The following CADPS variants were observed in gnomAD, a reference collection of about 807,000 sequenced individuals.
CADPS encodes calcium-dependent secretion activator 1.
Under a neutral mutation model 167.3 loss-of-function variants are expected in CADPS, and 57 were observed. The ratio of observed to expected loss-of-function variants is 0.34; its 90% confidence interval spans 0.28 to 0.42. CADPS has a LOEUF of 0.42. Among genes scored for constraint, CADPS ranks in the 20% least tolerant of loss-of-function variants. The pLI, the probability that CADPS is intolerant of heterozygous loss-of-function variation, is 1.00. For missense variants in CADPS, 1,414 were observed against 1,738.1 expected, an observed-to-expected ratio of 0.81 and a Z score of 3.32; for synonymous variants, 676 against 635.3, an observed-to-expected ratio of 1.06 and a Z score of -0.96.
intron 3 of CADPS, among the ~76,000 whole-genome samples, chr3:62,703,685 G>C (rs2081837869): frequency 6.6e-6 from 1 of 152,078 alleles, no homozygotes; most frequent in Non-Finnish European, 1.5e-5. Context: ...AGGGTAATGT[G>C]GCACAGCTAC....
chr3:62,710,030 T>C (rs1580893692), intron 3 of CADPS, among the ~76,000 whole-genome samples: 1 of 152,012 alleles, frequency 6.6e-6, no homozygotes, highest in South Asian at 2.1e-4. Flanking sequence ...GCCTCCCAAA[T>C]TGCTGGGATT....
At chr3:62,795,533 G>A (rs562587623) in intron 1 of CADPS, among the ~76,000 whole-genome samples, 3 of 152,204 alleles carry the variant, frequency 2.0e-5, no homozygotes, top group Admixed American at 6.5e-5. Flanking sequence ...TGTTTACTAA[G>A]GCTTGTATTT....
At chr3:62,672,473 T>C (rs1165451297) in intron 3 of CADPS, among the ~76,000 whole-genome samples, 1 of 152,206 alleles carries the variant, frequency 6.6e-6, no homozygotes, top group Non-Finnish European at 1.5e-5. Flanking sequence ...TTGAGAGCTG[T>C]TGCCATCTGG....
intron 1 of CADPS, among the ~76,000 whole-genome samples, chr3:62,823,033 T>A (rs1157585297): frequency 1.3e-5 from 2 of 152,104 alleles, no homozygotes; most frequent in African/African-American, 4.8e-5. Flanking sequence ...ATGCTTAAGT[T>A]CTGCCACCAC....
intron 3 of CADPS, among the ~76,000 whole-genome samples, chr3:62,691,462 A>G (rs532373941): frequency 6.6e-6 from 1 of 152,056 alleles, no homozygotes; most frequent in South Asian, 2.1e-4. Context: ...TTTCTGCTCA[A>G]TTTTGCTGTA....
At chr3:62,705,388 A>G (rs1483543690) in intron 3 of CADPS, among the ~76,000 whole-genome samples, 1 of 152,148 alleles carries the variant, frequency 6.6e-6, no homozygotes, top group African/African-American at 2.4e-5. Flanking sequence ...GACAGGCATA[A>G]CAAGGGATAT....
intron 1 of CADPS, among the ~76,000 whole-genome samples, chr3:62,831,297 A>C (rs756689758): frequency 1.3e-5 from 2 of 152,192 alleles, no homozygotes; most frequent in Non-Finnish European, 2.9e-5. Flanking sequence ...GAGAGGTGAA[A>C]TAACTTTTCC....
intron 1 of CADPS, among the ~76,000 whole-genome samples, chr3:62,838,235 T>A (rs2076175156): frequency 6.6e-6 from 1 of 152,146 alleles, no homozygotes; most frequent in Non-Finnish European, 1.5e-5. Flanking sequence ...ATGATGAGGC[T>A]TGGAGATAGG....
At chr3:62,609,547 T>A (rs916571395) in intron 6 of CADPS, among the ~76,000 whole-genome samples, 6 of 152,108 alleles carry the variant, frequency 3.9e-5, no homozygotes, top group Admixed American at 2.6e-4. Flanking sequence ...CTCATTTGAG[T>A]CTTGGTTTCA....
At chr3:62,578,805 A>G (rs935385088) in intron 8 of CADPS, among the ~76,000 whole-genome samples, 1 of 152,118 alleles carries the variant, frequency 6.6e-6, no homozygotes, top group Non-Finnish European at 1.5e-5. Context: ...AACACTATAA[A>G]CTGACTTGAT....
chr3:62,782,511 T>A (rs1416950217), intron 1 of CADPS, among the ~76,000 whole-genome samples: 11 of 152,188 alleles, frequency 7.2e-5, no homozygotes, highest in African/African-American at 2.7e-4. Context: ...TAATGTGTCA[T>A]TAAAAGAGGT....
intron 21 of CADPS, among the ~76,000 whole-genome samples, chr3:62,482,860 A>G (rs2062205867): frequency 6.6e-6 from 1 of 152,194 alleles, no homozygotes; most frequent in South Asian, 2.1e-4. Flanking sequence ...AAAAGTTAAA[A>G]ATGTTACCTC....
At chr3:62,680,144 A>T (rs968055499) in intron 3 of CADPS, among the ~76,000 whole-genome samples, 1 of 152,096 alleles carries the variant, frequency 6.6e-6, no homozygotes, top group Non-Finnish European at 1.5e-5. Context: ...CAAGGAAAAA[A>T]AGGTGGAGCA....
chr3:62,735,083 A>G (rs1172705594), intron 3 of CADPS, among the ~76,000 whole-genome samples: 4 of 152,202 alleles, frequency 2.6e-5, no homozygotes, highest in Non-Finnish European at 5.9e-5. Context: ...AGAAGTATTT[A>G]TAACGCATTT....
intron 9 of CADPS, among the ~76,000 whole-genome samples, chr3:62,559,751 C>T (rs978537343): frequency 6.6e-6 from 1 of 152,172 alleles, no homozygotes; most frequent in Non-Finnish European, 1.5e-5. Flanking sequence ...GCCTCAGCCT[C>T]CCAAAGTGCT....
At chr3:62,745,750 T>C (rs1426356182) in intron 3 of CADPS, among the ~76,000 whole-genome samples, 1 of 152,180 alleles carries the variant, frequency 6.6e-6, no homozygotes, top group Non-Finnish European at 1.5e-5. Flanking sequence ...GCATTTAAGC[T>C]CCTTGAGGCC....
rs560371785 is a variant in CADPS at position 62,432,402 on chromosome 3, C to T, written c.3777+5702G>A. Among the ~76,000 whole-genome samples the T allele has an allele frequency of 3.3e-5, 5 of 152,228 alleles. No homozygotes were observed. The South Asian group carries it at 8.3e-4, about 25-fold the overall frequency. On this transcript the variant is annotated intron_variant, in intron 28 of 29. Coordinates refer to ENST00000383710, the MANE Select transcript of CADPS (RefSeq NM_003716.4). ...CTTACTTCAAAGCCCCACTCCTGAC[C>T]ATCACTATTTTGCCTGTTTCAGGAA...
At chr3:62,529,790 AT>A (rs2073226299) in intron 13 of CADPS, among the ~76,000 whole-genome samples, 1 of 152,202 alleles carries the variant, frequency 6.6e-6, no homozygotes, top group Non-Finnish European at 1.5e-5. Context: ...CAGTGAATAA[AT>A]TTATAATGAT....
At chr3:62,632,089 C>T (rs1044624321) in intron 6 of CADPS, among the ~76,000 whole-genome samples, 5 of 152,154 alleles carry the variant, frequency 3.3e-5, no homozygotes, top group African/African-American at 9.7e-5. Context: ...ACTAATAACA[C>T]CATTTCCTAG....
Sources: allele counts gnomAD v4.1 joint callset (sites outside exome capture counted in the v4.1 genomes callset), GRCh38; gene constraint gnomAD v4.1.1; transcripts MANE v1.5; gene names NCBI Gene and HGNC (gene_info 2026-07-23, HGNC 2026-07-21).